GALK2: variants seen among roughly 807,000 people sequenced by gnomAD.
GALK2 encodes galactokinase 2, also known as N-acetylgalactosamine kinase.
A neutral mutation model predicts 52.4 loss-of-function variants in GALK2; 36 were observed. The ratio of observed to expected loss-of-function variants is 0.69; its 90% confidence interval spans 0.53 to 0.91. The LOEUF (loss-of-function observed/expected upper bound fraction) is 0.91. GALK2 is among the 40% of genes least tolerant of loss of function. The probability of loss-of-function intolerance (pLI) is 0.00; values close to 1 mark genes in which losing one functional copy is unlikely to be tolerated. For synonymous variants in GALK2, 176 were observed against 199.1 expected (o/e 0.88, Z 0.98); for missense variants, 579 against 559.1 (o/e 1.04, Z -0.36).
At chr15:49,283,833 C>T in intron 7 of GALK2, 115 bp downstream of exon 7, 1 of 991,044 alleles carries the variant, frequency 1.0e-6, no homozygotes, top group Non-Finnish European at 1.5e-6. Context: ...TCTGACTGCA[C>T]AGCATTCCAA....
chr15:49,170,026 C>T (rs2084955571), upstream of GALK2: 1 of 396,760 alleles, frequency 2.5e-6, no homozygotes, highest in Non-Finnish European at 4.5e-6. Flanking sequence ...TAGTCAGCTT[C>T]GCACGTGCTC....
intron 1 of GALK2, chr15:49,158,939 T>A (rs2084548320): frequency 6.6e-6 from 1 of 152,192 alleles, no homozygotes; most frequent in Non-Finnish European, 1.5e-5. Context: ...GACCTTCCCA[T>A]CTCAGCCTCC....
At chr15:49,341,402 ATTTG>A (rs922022136) in intron 3 of GALK2, among the ~76,000 whole-genome samples, 26 of 152,112 alleles carry the variant, frequency 1.7e-4, no homozygotes, top group African/African-American at 6.0e-4. Context: ...ATGTTTTTTC[ATTTG>A]TTTGTGTCAC....
chr15:49,319,565 C>T (rs1323793837), intron 8 of GALK2, 39 bp from the exon 9 acceptor site: 1 of 1,575,284 alleles, frequency 6.3e-7, no homozygotes, highest in African/African-American at 1.3e-5. Context: ...TGTCCAGTAA[C>T]TATTCCTAAC....
At position 49,218,774 on chromosome 15, in the gene GALK2, A is replaced by G. The variant is rs567583398; in HGVS notation, c.266+1461A>G. Among the ~76,000 whole-genome samples the G allele has an allele frequency of 7.2e-5, 11 of 152,296 alleles. No homozygotes were observed. In the South Asian group the frequency reaches 2.1e-3, roughly 29 times the overall value. ...TATTTATGTACGAATATATGTGTGG[A>G]CATATGTTTCATTTCTGTTGGGTAA... On this transcript the variant is annotated intron_variant, in intron 3 of 9. Coordinates refer to ENST00000560031, the MANE Select transcript of GALK2 (RefSeq NM_002044.4).
intron 1 of GALK2, among the ~76,000 whole-genome samples, chr15:49,164,345 CAA>C (rs34702340): frequency 5.9e-4 from 85 of 143,896 alleles, no homozygotes; most frequent in Non-Finnish European, 7.5e-4. Context: ...AAATGTATTC[CAA>C]AAAAAAAAAA....
rs1481227045 is a variant in GALK2 at position 49,328,403 on chromosome 15, A to AACTT, written c.*248_*251dup. On this transcript the variant is annotated 3_prime_UTR_variant, in exon 10 of 10. Transcript: ENST00000560031. ...ATGCTTGGACAGATCTTTTAAGAATAACTTACTGAGATTTATTGATTTGAA... is the reference window on the plus strand; with the variant it reads ...ATGCTTGGACAGATCTTTTAAGAATAACTTACTTACTGAGATTTATTGATTTGAA... 6.6e-5 allele frequency: 94 copies of AACTT among 1,431,116 alleles called. 1 individual carries two copies. The highest frequency in any genetic ancestry group is 6.5e-4 in the South Asian group (41 of 63,000). 88.7% of individuals were successfully genotyped at this position (1,431,116 alleles called of 1,614,324 possible). A position where few individuals can be genotyped will look rare whatever the true frequency, so the allele number is the denominator to read the frequency against.
At chr15:49,251,581 G>A (rs2091604574) in intron 5 of GALK2, among the ~76,000 whole-genome samples, 3 of 152,028 alleles carry the variant, frequency 2.0e-5, no homozygotes, top group Non-Finnish European at 4.4e-5. Context: ...TTGACTATAG[G>A]TGCAATGTTG....
At chr15:49,283,467 T>C in intron 6 of GALK2, 99 bp from the exon 7 acceptor site, 1 of 1,017,172 alleles carries the variant, frequency 9.8e-7, no homozygotes, top group Non-Finnish European at 1.5e-6. Context: ...AATGAATGAA[T>C]GCATTTTTGA....
At chr15:49,168,334 A>G (rs2084890494), upstream of GALK2, among the ~76,000 whole-genome samples, 1 of 152,178 alleles carries the variant, frequency 6.6e-6, no homozygotes, top group Non-Finnish European at 1.5e-5. Context: ...GTATAAAATG[A>G]GTTTATTTTG....
intron 1 of GALK2, among the ~76,000 whole-genome samples, chr15:49,187,992 C>T (rs935714573): frequency 2.6e-5 from 4 of 152,074 alleles, no homozygotes; most frequent in Non-Finnish European, 4.4e-5. Context: ...CTTCTTTCCT[C>T]AAGCAGAACG....
At chr15:49,313,566 C>T (rs188995657) in intron 8 of GALK2, among the ~76,000 whole-genome samples, 4 of 152,362 alleles carry the variant, frequency 2.6e-5, no homozygotes, top group East Asian at 3.9e-4. Flanking sequence ...ATTTCCAGCA[C>T]TCAGATGTCT....
chr15:49,247,313 A>C (rs2091399992), intron 5 of GALK2, among the ~76,000 whole-genome samples: 1 of 152,148 alleles, frequency 6.6e-6, no homozygotes, highest in South Asian at 2.1e-4. Context: ...TCTAAGCGTA[A>C]TGGAAAACCT....
At chr15:49,237,514 T>C (rs943762305) in intron 4 of GALK2, among the ~76,000 whole-genome samples, 13 of 152,196 alleles carry the variant, frequency 8.5e-5, no homozygotes, top group Non-Finnish European at 1.5e-4. Context: ...TCTTGCTCTG[T>C]CGCCCAGGCT....
intron 9 of GALK2, among the ~76,000 whole-genome samples, chr15:49,322,560 T>G (rs896407223): frequency 1.8e-4 from 27 of 152,206 alleles, no homozygotes; most frequent in African/African-American, 6.3e-4. Context: ...GGGAATTAAG[T>G]TGATGCAGGC....
At chr15:49,257,854 C>G (rs7496529) in intron 5 of GALK2, among the ~76,000 whole-genome samples, 2 of 150,650 alleles carry the variant, frequency 1.3e-5, no homozygotes, top group Non-Finnish European at 3.0e-5. Context: ...ATTTTTTTAA[C>G]TGTAAAAGCA....
At chr15:49,210,312 A>T (rs1282502756) in intron 2 of GALK2, among the ~76,000 whole-genome samples, 2 of 150,340 alleles carry the variant, frequency 1.3e-5, no homozygotes, top group African/African-American at 4.9e-5. Context: ...TCTGATCTTT[A>T]TTATTTCTTT....
At chr15:49,363,485 C>T (rs1017998005) in intron 3 of GALK2, among the ~76,000 whole-genome samples, 3 of 152,152 alleles carry the variant, frequency 2.0e-5, no homozygotes, top group Admixed American at 2.0e-4. Flanking sequence ...TATCCTGAAA[C>T]TTTGCTGAAG....
At chr15:49,258,825 T>A (rs559617649) in intron 5 of GALK2, among the ~76,000 whole-genome samples, 3,430 of 120,700 alleles carry the variant, frequency 0.028, 77 homozygotes, top group African/African-American at 0.064. Context: ...TGTGTGTGTG[T>A]GTGTGAGAGA....
Sources: allele counts gnomAD v4.1 joint callset (sites outside exome capture counted in the v4.1 genomes callset), GRCh38; gene constraint gnomAD v4.1.1; transcripts MANE v1.5; gene names NCBI Gene and HGNC (gene_info 2026-07-23, HGNC 2026-07-21).